Variants in ANKS1B observed in about 807,000 individuals in gnomAD.
The protein encoded by ANKS1B is ankyrin repeat and sterile alpha motif domain-containing protein 1B.
Under a neutral mutation model 148.3 loss-of-function variants are expected in ANKS1B, and 36 were observed. The observed-to-expected ratio is 0.24, with a 90% CI of 0.19 to 0.32. The LOEUF is 0.32. ANKS1B is among the 10% of genes least tolerant of loss of function. The probability of loss-of-function intolerance (pLI) is 1.00; values close to 1 mark genes in which losing one functional copy is unlikely to be tolerated. For missense variants in ANKS1B, 1,157 were observed against 1,542.6 expected (o/e 0.75, Z 4.19); for synonymous variants, 542 against 560.8 (o/e 0.97, Z 0.47).
chr12:99,659,115 T>A (rs2098463769), intron 8 of ANKS1B, among the ~76,000 whole-genome samples: 1 of 152,160 alleles, frequency 6.6e-6, no homozygotes, highest in African/African-American at 2.4e-5. Flanking sequence ...CTATTACAAG[T>A]AGCTTTGCAG....
intron 1 of ANKS1B, among the ~76,000 whole-genome samples, chr12:99,858,156 C>T (rs2089478629): frequency 6.6e-6 from 1 of 152,048 alleles, no homozygotes; most frequent in African/African-American, 2.4e-5. Flanking sequence ...GACCAATATC[C>T]AAAATTTACA....
intron 25 of ANKS1B, among the ~76,000 whole-genome samples, chr12:98,768,881 T>TG (rs1566243367): frequency 9.2e-6 from 1 of 109,254 alleles, no homozygotes; most frequent in Non-Finnish European, 1.9e-5. Flanking sequence ...CTAGCTTCTG[T>TG]AGGGGGGGCT....
intron 12 of ANKS1B, among the ~76,000 whole-genome samples, chr12:99,398,238 GT>G (rs1444541006): frequency 6.6e-6 from 1 of 152,090 alleles, no homozygotes; most frequent in Non-Finnish European, 1.5e-5. Context: ...ATTAGTCATT[GT>G]TTTTAAAATC....
chr12:99,482,977 A>T (rs1220346756), intron 10 of ANKS1B, among the ~76,000 whole-genome samples: 1 of 151,388 alleles, frequency 6.6e-6, no homozygotes, highest in African/African-American at 2.4e-5. Flanking sequence ...TTCTATTTGA[A>T]TGCCTTTTAT....
At chr12:99,452,429 T>C (rs1247797796) in intron 10 of ANKS1B, among the ~76,000 whole-genome samples, 1 of 152,234 alleles carries the variant, frequency 6.6e-6, no homozygotes, top group Non-Finnish European at 1.5e-5. Flanking sequence ...AGCTAGAAAT[T>C]TGTCATTTGT....
At chr12:99,681,665 T>C (rs773400810) in intron 8 of ANKS1B, among the ~76,000 whole-genome samples, 1 of 152,190 alleles carries the variant, frequency 6.6e-6, no homozygotes, top group African/African-American at 2.4e-5. Context: ...GAGAGCACCC[T>C]GTGGGACAAA....
At chr12:99,165,168 A>G (rs889517737) in intron 14 of ANKS1B, among the ~76,000 whole-genome samples, 2 of 152,126 alleles carry the variant, frequency 1.3e-5, no homozygotes, top group Admixed American at 1.3e-4. Context: ...AACAATGTCT[A>G]CCTTAGAAAT....
rs1430930067 is a variant in ANKS1B, at chr12:99,984,543, G to T, written c.-306C>A. On this transcript the variant is annotated 5_prime_UTR_variant, in exon 1 of 27. Coordinates refer to ENST00000683438, the MANE Select transcript of ANKS1B (RefSeq NM_001352186.2). ...CCTCGTTCCCGCGGGTGCGGCGTGA[G>T]GGGGTGGGGACTCGGGGGTGCTTTT... 1 of 295,812 alleles carries T rather than the reference G, an allele frequency of 3.4e-6. No individual in the cohort carries two copies. Among genetic ancestry groups the T allele is most frequent in the African/African-American group, 2.1e-5 (1 of 47,524 alleles). The allele number at this position is 295,812 out of a possible 1,614,324, so 18.3% of individuals were successfully genotyped here. A position where few individuals can be genotyped will look rare whatever the true frequency, so the allele number is the denominator to read the frequency against.
At chr12:99,012,478 C>T (rs1032672754) in intron 17 of ANKS1B, among the ~76,000 whole-genome samples, 1 of 152,158 alleles carries the variant, frequency 6.6e-6, no homozygotes, top group African/African-American at 2.4e-5. Context: ...CAAGAAGTAT[C>T]CTGATCCAGA....
chr12:98,788,926 T>C (rs191989537), intron 22 of ANKS1B, among the ~76,000 whole-genome samples: 1 of 152,360 alleles, frequency 6.6e-6, no homozygotes, highest in East Asian at 1.9e-4. Context: ...GCTCTTGGTC[T>C]TGAGAGCAAT....
chr12:99,852,591 A>G (rs2088103045), intron 1 of ANKS1B, among the ~76,000 whole-genome samples: 1 of 152,182 alleles, frequency 6.6e-6, no homozygotes, highest in East Asian at 1.9e-4. Context: ...AAAATGGCGG[A>G]TAGGAGGTAG....
chr12:98,832,362 C>T (rs2099325647), intron 17 of ANKS1B, among the ~76,000 whole-genome samples: 1 of 152,120 alleles, frequency 6.6e-6, no homozygotes, highest in Non-Finnish European at 1.5e-5. Context: ...GATGGTTCTC[C>T]TTCCACTCAT....
intron 11 of ANKS1B, among the ~76,000 whole-genome samples, chr12:99,408,022 A>G (rs959599364): frequency 2.7e-5 from 4 of 146,030 alleles, no homozygotes; most frequent in Admixed American, 1.4e-4. Flanking sequence ...TGGAACCAAA[A>G]AAGACCCAGA....
intron 17 of ANKS1B, among the ~76,000 whole-genome samples, chr12:98,867,722 T>C (rs2099632130): frequency 6.6e-6 from 1 of 151,252 alleles, no homozygotes; most frequent in Non-Finnish European, 1.5e-5. Flanking sequence ...ATTAGTGGGG[T>C]GTGGTGGCGG....
At chr12:99,171,584 T>G (rs1253577682) in intron 14 of ANKS1B, among the ~76,000 whole-genome samples, 1 of 152,206 alleles carries the variant, frequency 6.6e-6, no homozygotes, top group Non-Finnish European at 1.5e-5. Context: ...TAAAATTTCA[T>G]GGAGCACTTA....
At chr12:98,890,342 TG>T (rs1274011509) in intron 17 of ANKS1B, among the ~76,000 whole-genome samples, 3 of 152,200 alleles carry the variant, frequency 2.0e-5, no homozygotes, top group Non-Finnish European at 4.4e-5. Flanking sequence ...CCTTCCATTC[TG>T]GAGTAAAGCT....
chr12:99,272,162 T>C (rs1261956521), intron 12 of ANKS1B, among the ~76,000 whole-genome samples: 1 of 152,132 alleles, frequency 6.6e-6, no homozygotes, highest in Admixed American at 6.6e-5. Flanking sequence ...ACTGTGGATA[T>C]AGAGATGATT....
intron 1 of ANKS1B, among the ~76,000 whole-genome samples, chr12:99,933,668 G>A (rs1401796205): frequency 6.6e-6 from 1 of 152,040 alleles, no homozygotes; most frequent in African/African-American, 2.4e-5. Flanking sequence ...CTAAATATAA[G>A]ACTATATCAT....
intron 5 of ANKS1B, among the ~76,000 whole-genome samples, chr12:99,780,503 C>G (rs879369715): frequency 6.6e-6 from 1 of 151,584 alleles, no homozygotes; most frequent in African/African-American, 2.4e-5. Context: ...AGGATGGTCT[C>G]GATATCCTGA....
Sources: allele counts gnomAD v4.1 joint callset (sites outside exome capture counted in the v4.1 genomes callset), GRCh38; gene constraint gnomAD v4.1.1; transcripts MANE v1.5; gene names NCBI Gene and HGNC (gene_info 2026-07-23, HGNC 2026-07-21).